The following ADGRB3 variants were observed in gnomAD, a reference collection of about 807,000 sequenced individuals.
ADGRB3 encodes adhesion G protein-coupled receptor B3, also known as brain-specific angiogenesis inhibitor 3.
In ADGRB3, 37 loss-of-function variants were observed where a neutral mutation model predicts 193.4. The observed-to-expected ratio is 0.19, with a 90% CI of 0.15 to 0.25. The LOEUF is 0.25. Among genes scored for constraint, ADGRB3 ranks in the 10% least tolerant of loss-of-function variants. ADGRB3 has a pLI of 1.00. For synonymous variants in ADGRB3, 690 were observed against 644.2 expected, an observed-to-expected ratio of 1.07 and a Z score of -1.08; for missense variants, 1,637 against 1,852.9, an observed-to-expected ratio of 0.88 and a Z score of 2.14.
intron 3 of ADGRB3, among the ~76,000 whole-genome samples, chr6:68,879,331 G>A (rs1185121413): frequency 2.0e-5 from 3 of 146,814 alleles, no homozygotes; most frequent in Admixed American, 7.0e-5. Context: ...ATTCTGCTGC[G>A]TCAGCCTCCC....
rs543366690 is a variant in ADGRB3, at chr6:69,352,092, AT to A, written c.3460-2133del. ...TATTTTTCTGACATTGGTTTCTAGGATTTTTTTTCTAAAAACAGATATACTT... is the reference window on the plus strand; with the variant it reads ...TATTTTTCTGACATTGGTTTCTAGGATTTTTTTCTAAAAACAGATATACTT... On this transcript the variant is annotated intron_variant, in intron 26 of 31. Transcript: ENST00000370598. Among the ~76,000 whole-genome samples the A allele has an allele frequency of 8.1e-3, 1,238 of 152,126 alleles. 53 individuals are homozygous for A. Among genetic ancestry groups the A allele is most frequent in the Admixed American group, 0.074 (1,136 of 15,274 alleles).
chr6:68,798,823 T>C (rs564236189), intron 3 of ADGRB3, among the ~76,000 whole-genome samples: 5 of 152,272 alleles, frequency 3.3e-5, no homozygotes, highest in Admixed American at 3.3e-4. Flanking sequence ...TTCAGGCTAC[T>C]CACAGTAAAA....
chr6:69,145,107 C>G (rs1014591677), intron 17 of ADGRB3, among the ~76,000 whole-genome samples: 23 of 152,260 alleles, frequency 1.5e-4, no homozygotes, highest in Admixed American at 5.9e-4. Flanking sequence ...CACCTTTGCC[C>G]GAGTTTTGCT....
intron 17 of ADGRB3, among the ~76,000 whole-genome samples, chr6:69,211,412 A>G (rs1026841855): frequency 6.6e-6 from 1 of 152,170 alleles, no homozygotes; most frequent in Non-Finnish European, 1.5e-5. Flanking sequence ...TTTTCTGCCA[A>G]ACTTAATCCT....
At position 69,132,200 on chromosome 6, in the gene ADGRB3, A is replaced by C. The variant is rs192384101; in HGVS notation, c.2480+56162A>C. On this transcript the variant is annotated intron_variant, in intron 17 of 31. Transcript: ENST00000370598. ...GATTCTAGATCTTTGAGGAATCGCC[A>C]CACTGTCCTCCATAATGGTTGAACT... Among the ~76,000 whole-genome samples, 138 of 152,312 alleles carry C rather than the reference A, an allele frequency of 9.1e-4. No homozygotes were observed. The South Asian group carries it at 0.012, about 13-fold the overall frequency.
chr6:68,990,786 G>A (rs1769216909), intron 10 of ADGRB3, among the ~76,000 whole-genome samples: 1 of 152,144 alleles, frequency 6.6e-6, no homozygotes, highest in Non-Finnish European at 1.5e-5. Flanking sequence ...AATAGAGAAA[G>A]GGCTGATTTG....
At chr6:69,110,338 G>GTT (rs1297278418) in intron 17 of ADGRB3, among the ~76,000 whole-genome samples, 6 of 152,072 alleles carry the variant, frequency 3.9e-5, no homozygotes, top group African/African-American at 1.2e-4. Flanking sequence ...CATGTGCTGA[G>GTT]TTAAAGATAG....
chr6:69,228,377 A>G (rs1447092697), intron 17 of ADGRB3, among the ~76,000 whole-genome samples: 1 of 152,244 alleles, frequency 6.6e-6, no homozygotes, highest in Non-Finnish European at 1.5e-5. Flanking sequence ...TAGTATTCTC[A>G]TATGGCATGT....
At chr6:68,822,764 A>G (rs1218292613) in intron 3 of ADGRB3, among the ~76,000 whole-genome samples, 2 of 151,986 alleles carry the variant, frequency 1.3e-5, no homozygotes, top group Non-Finnish European at 2.9e-5. Context: ...AGAAATCGTC[A>G]TTCAAAAATT....
At chr6:68,953,062 A>C (rs2150255300) in intron 6 of ADGRB3, among the ~76,000 whole-genome samples, 1 of 152,248 alleles carries the variant, frequency 6.6e-6, no homozygotes, top group South Asian at 2.1e-4. Context: ...TCTTCCTAAT[A>C]TCATCTCAGC....
intron 15 of ADGRB3, among the ~76,000 whole-genome samples, chr6:69,056,342 T>C (rs966331197): frequency 1.3e-5 from 2 of 152,206 alleles, no homozygotes; most frequent in Non-Finnish European, 2.9e-5. Context: ...TTGTCAAGTT[T>C]AGGAGTTATT....
chr6:69,257,450 G>C (rs1243009270), intron 20 of ADGRB3, among the ~76,000 whole-genome samples: 1 of 152,142 alleles, frequency 6.6e-6, no homozygotes, highest in African/African-American at 2.4e-5. Flanking sequence ...ATGTGTCAAG[G>C]AATTTATCCA....
chr6:69,365,467 A>T (rs1582659647), intron 29 of ADGRB3, among the ~76,000 whole-genome samples: 1 of 152,046 alleles, frequency 6.6e-6, no homozygotes, highest in African/African-American at 2.4e-5. Context: ...ATGGTCCCCT[A>T]TGTGGCATCT....
intron 3 of ADGRB3, among the ~76,000 whole-genome samples, chr6:68,784,731 T>A (rs141937412): frequency 0.023 from 3,509 of 152,230 alleles, 67 homozygotes; most frequent in South Asian, 0.075. Context: ...CACAAACAGA[T>A]GAAAAATTAT....
At chr6:68,974,923 A>C in intron 9 of ADGRB3, 59 bp downstream of exon 9, 6 of 1,420,790 alleles carry the variant, frequency 4.2e-6, no homozygotes, top group Non-Finnish European at 5.9e-6. Context: ...AACAGCATGC[A>C]GTGTTGGTTT....
intron 20 of ADGRB3, among the ~76,000 whole-genome samples, chr6:69,245,815 G>A (rs1165763775): frequency 3.3e-5 from 5 of 152,052 alleles, no homozygotes; most frequent in African/African-American, 1.2e-4. Flanking sequence ...TTTATAATCA[G>A]ACTATACACT....
intron 3 of ADGRB3, among the ~76,000 whole-genome samples, chr6:68,700,057 G>A (rs1308822948): frequency 6.6e-6 from 1 of 152,040 alleles, no homozygotes; most frequent in Non-Finnish European, 1.5e-5. Flanking sequence ...CTCCAGGGTC[G>A]AGAGGAGAAA....
At chr6:68,737,566 C>T (rs1013542989) in intron 3 of ADGRB3, among the ~76,000 whole-genome samples, 4 of 152,082 alleles carry the variant, frequency 2.6e-5, no homozygotes, top group African/African-American at 9.7e-5. Flanking sequence ...ATATTATTAT[C>T]AAGCACTAAA....
At chr6:68,769,454 C>T (rs1170355342) in intron 3 of ADGRB3, among the ~76,000 whole-genome samples, 3 of 152,186 alleles carry the variant, frequency 2.0e-5, no homozygotes, top group Admixed American at 6.5e-5. Flanking sequence ...AACCAAACAC[C>T]GCTTGTTCTC....
Sources: gnomAD v4.1 joint callset for allele counts (sites outside exome capture counted in the v4.1 genomes callset) on GRCh38, gnomAD v4.1.1 for gene constraint, MANE v1.5 for transcripts, NCBI Gene and HGNC (gene_info 2026-07-23, HGNC 2026-07-21) for gene names.